The following KAZN variants were observed in gnomAD, a reference collection of about 807,000 sequenced individuals.
KAZN encodes kazrin, periplakin interacting protein.
In KAZN, 40 loss-of-function variants were observed where a neutral mutation model predicts 87.4. That is an observed-to-expected ratio of 0.46 (90% CI 0.36 to 0.60). The LOEUF (loss-of-function observed/expected upper bound fraction) is 0.60, where lower values mean the gene tolerates loss of function less well. KAZN is among the 20% of genes least tolerant of loss of function. The pLI is 0.00. For missense variants in KAZN, 898 were observed against 1,073.9 expected, an observed-to-expected ratio of 0.84 and a Z score of 2.29; for synonymous variants, 466 against 458.3, an observed-to-expected ratio of 1.02 and a Z score of -0.22.
intron 2 of KAZN, among the ~76,000 whole-genome samples, chr1:14,433,092 G>T (rs982783139): frequency 7.2e-5 from 11 of 152,090 alleles, no homozygotes; most frequent in Admixed American, 7.2e-4. Context: ...TATTTTTAAT[G>T]CTGGTATTCA....
intron 1 of KAZN, among the ~76,000 whole-genome samples, chr1:14,918,334 G>A (rs1209865313): frequency 1.3e-5 from 2 of 152,040 alleles, no homozygotes; most frequent in African/African-American, 4.8e-5. Flanking sequence ...GCCATTCTGT[G>A]AGGAGATCTC....
At chr1:14,324,668 G>T (rs1284055536) in intron 2 of KAZN, among the ~76,000 whole-genome samples, 1 of 152,052 alleles carries the variant, frequency 6.6e-6, no homozygotes, top group Admixed American at 6.6e-5. Context: ...CAAAGGGGGG[G>T]AAGTACTTGA....
intron 2 of KAZN, among the ~76,000 whole-genome samples, chr1:14,516,308 C>T (rs903320523): frequency 5.3e-5 from 8 of 152,198 alleles, no homozygotes; most frequent in African/African-American, 1.7e-4. Context: ...GGCTCTCCCT[C>T]GTGGTGGTAA....
intron 2 of KAZN, among the ~76,000 whole-genome samples, chr1:14,214,522 G>A (rs540676288): frequency 1.3e-5 from 2 of 152,222 alleles, no homozygotes; most frequent in Admixed American, 1.3e-4. Flanking sequence ...TATGGGACTT[G>A]AAAAATAAGT....
intron 1 of KAZN, among the ~76,000 whole-genome samples, chr1:13,946,635 C>T (rs1315292425): frequency 2.0e-5 from 3 of 152,150 alleles, no homozygotes; most frequent in Non-Finnish European, 4.4e-5. Flanking sequence ...TTAAGAAACA[C>T]TTGTTGAACT....
At chr1:14,301,393 C>T (rs955472231) in intron 2 of KAZN, among the ~76,000 whole-genome samples, 6 of 152,320 alleles carry the variant, frequency 3.9e-5, no homozygotes, top group South Asian at 2.1e-4. Context: ...CCAGTCCCAT[C>T]GGCTGGGGAA....
intron 1 of KAZN, among the ~76,000 whole-genome samples, chr1:13,945,679 T>TTGTGTGTG (rs60728794): frequency 0.06 from 7,415 of 123,038 alleles, 270 homozygotes; most frequent in African/African-American, 0.072. Context: ...TGCTCTCAGT[T>TTGTGTGTG]TGTGTGTGTG....
chr1:14,235,898 G>A (rs1008959999), intron 2 of KAZN, among the ~76,000 whole-genome samples: 2 of 152,122 alleles, frequency 1.3e-5, no homozygotes, highest in Non-Finnish European at 2.9e-5. Context: ...AGGCACAGGA[G>A]CAGCTTTTTG....
chr1:14,616,123 C>T (rs1037010714), intron 1 of KAZN, among the ~76,000 whole-genome samples: 3 of 152,194 alleles, frequency 2.0e-5, no homozygotes, highest in Non-Finnish European at 4.4e-5. Flanking sequence ...TGAAGACAGC[C>T]TCATCTGGTC....
intron 1 of KAZN, among the ~76,000 whole-genome samples, chr1:14,900,810 G>A (rs939448552): frequency 6.6e-5 from 10 of 151,966 alleles, no homozygotes; most frequent in Non-Finnish European, 1.0e-4. Context: ...GCAAGTGGGT[G>A]CAGCTACTAC....
At chr1:14,134,671 AAAGAGAT>A (rs1384911246) in intron 1 of KAZN, among the ~76,000 whole-genome samples, 3 of 152,180 alleles carry the variant, frequency 2.0e-5, no homozygotes, top group African/African-American at 7.2e-5. Flanking sequence ...TTTCAAAACA[AAAGAGAT>A]ATTAGCAGCA....
chr1:14,492,222 G>A (rs1352469309), intron 2 of KAZN, among the ~76,000 whole-genome samples: 2 of 152,128 alleles, frequency 1.3e-5, no homozygotes. Context: ...GTGAATCTGA[G>A]TCTTGGAGAG....
intron 1 of KAZN, among the ~76,000 whole-genome samples, chr1:14,099,007 C>A (rs1180380524): frequency 6.6e-6 from 1 of 152,094 alleles, no homozygotes; most frequent in East Asian, 1.9e-4. Context: ...GGGTTTGGAG[C>A]CTGGGCTAAG....
chr1:14,540,132 A>G (rs1357427989), intron 2 of KAZN, among the ~76,000 whole-genome samples: 10 of 152,198 alleles, frequency 6.6e-5, no homozygotes, highest in Non-Finnish European at 1.2e-4. Context: ...ATATGATGTC[A>G]CTTCACTTTA....
chr1:14,106,737 T>C (rs530410143), intron 1 of KAZN, among the ~76,000 whole-genome samples: 1 of 152,204 alleles, frequency 6.6e-6, no homozygotes, highest in Admixed American at 6.5e-5. Context: ...CGCGTCTCTA[T>C]TCAGTGGCAT....
chr1:14,661,272 T>C (rs977971098), intron 1 of KAZN, among the ~76,000 whole-genome samples: 3 of 152,250 alleles, frequency 2.0e-5, no homozygotes, highest in African/African-American at 4.8e-5. Flanking sequence ...TCTCTGATAA[T>C]TCCATCTGAG....
At chr1:14,791,889 G>T (rs1456964143) in intron 1 of KAZN, among the ~76,000 whole-genome samples, 1 of 152,222 alleles carries the variant, frequency 6.6e-6, no homozygotes, top group African/African-American at 2.4e-5. Flanking sequence ...TGTTGTTTCT[G>T]TGTGATCTGC....
chr1:14,612,210 G>A (rs930462943), intron 1 of KAZN, among the ~76,000 whole-genome samples: 1 of 152,194 alleles, frequency 6.6e-6, no homozygotes, highest in African/African-American at 2.4e-5. Context: ...TAGGGGTGTT[G>A]TGGTTAATGG....
At chr1:14,643,225 T>A (rs868148096) in intron 1 of KAZN, among the ~76,000 whole-genome samples, 1 of 152,198 alleles carries the variant, frequency 6.6e-6, no homozygotes, top group African/African-American at 2.4e-5. Context: ...TAGGTAAACT[T>A]GTGTCACAAC....
Sources: allele counts gnomAD v4.1 joint callset (sites outside exome capture counted in the v4.1 genomes callset), GRCh38; gene constraint gnomAD v4.1.1; transcripts MANE v1.5; gene names NCBI Gene and HGNC (gene_info 2026-07-23, HGNC 2026-07-21).